Variants in KNDC1 observed in about 807,000 individuals in gnomAD.
The protein encoded by KNDC1 is kinase non-catalytic C-lobe domain-containing protein 1.
A neutral mutation model predicts 172.8 loss-of-function variants in KNDC1; 106 were observed. That is an observed-to-expected ratio of 0.61 (90% CI 0.52 to 0.72). KNDC1 has a LOEUF of 0.72. KNDC1 is among the 30% of genes least tolerant of loss of function. The probability of loss-of-function intolerance (pLI) is 0.00; values close to 1 mark genes in which losing one functional copy is unlikely to be tolerated. For synonymous variants in KNDC1, 1,083 were observed against 1,062.2 expected, an observed-to-expected ratio of 1.02 and a Z score of -0.38; for missense variants, 2,325 against 2,394.5, an observed-to-expected ratio of 0.97 and a Z score of 0.61.
In KNDC1 at chr10:133,167,598, T is replaced by TGGCGGCGGCGGC. The variant is rs754313442; in HGVS notation, c.301+22_301+33dup. 1 of 1,555,422 alleles carries TGGCGGCGGCGGC rather than the reference T, an allele frequency of 6.4e-7. No individual in the cohort carries two copies. Among genetic ancestry groups the TGGCGGCGGCGGC allele is most frequent in the African/African-American group, 1.4e-5 (1 of 72,798 alleles). On this transcript the variant is annotated intron_variant, in intron 2 of 29. Coordinates refer to ENST00000304613, the MANE Select transcript of KNDC1 (RefSeq NM_152643.8). Reference sequence around the variant, plus strand: ...CTCAGCGGTGAGGCGGCGGTGGCGGTGGCGGCGGCGGCGGGCACGCGGGGT... The same window carrying TGGCGGCGGCGGC: ...CTCAGCGGTGAGGCGGCGGTGGCGGTGGCGGCGGCGGCGGCGGCGGCGGCGGGCACGCGGGGT...
intron 3 of KNDC1, chr10:133,174,181 T>C (rs990426758): frequency 6.6e-6 from 1 of 152,282 alleles, no homozygotes; most frequent in African/African-American, 2.4e-5. Context: ...GATCCAATAA[T>C]GCTGGGACAT....
chr10:133,219,888 C>A, intron 28 of KNDC1, 67 bp from the exon 29 acceptor site: 1 of 1,464,222 alleles, frequency 6.8e-7, no homozygotes, highest in Non-Finnish European at 9.1e-7. Flanking sequence ...TGCGCTGGCC[C>A]CGGCTGAGGC....
rs778034895 is a variant in KNDC1 at position 133,198,372 on chromosome 10, G to A, written c.1942G>A (p.Ala648Thr). 2 of 1,596,098 alleles carry A rather than the reference G, an allele frequency of 1.3e-6. No individual in the cohort carries two copies. Among genetic ancestry groups the A allele is most frequent in the South Asian group, 2.3e-5 (2 of 88,684 alleles). ...GGTGAACAGCGACACCGGGCTTGTG[G>A]CTGTGCCAGGGCCCGTGCCCGGCCA... ...LPVNSDTGLVAVPGPVPGQHP... is the reference protein window; with the variant it reads ...LPVNSDTGLVTVPGPVPGQHP... Residue 648 changes from alanine to threonine, a missense_variant, in exon 13 of 30, where the codon GCT becomes ACT. Physicochemically the swap from Ala to Thr is moderately conservative, Grantham distance 58. Transcript: ENST00000304613.
At chr10:133,167,046 C>T (rs904151534) in intron 1 of KNDC1, 7 of 394,442 alleles carry the variant, frequency 1.8e-5, no homozygotes, top group African/African-American at 4.0e-5. Context: ...CCAGTCCAGC[C>T]GTGAGCCTGC....
chr10:133,193,666 A>G (rs896391601), intron 9 of KNDC1, among the ~76,000 whole-genome samples: 2 of 152,258 alleles, frequency 1.3e-5, no homozygotes, highest in Admixed American at 1.3e-4. Context: ...CTAACCATGT[A>G]CTGTCTACCA....
intron 3 of KNDC1, among the ~76,000 whole-genome samples, chr10:133,177,359 ATGTC>A (rs1194278182): frequency 1.3e-4 from 19 of 152,000 alleles, no homozygotes; most frequent in African/African-American, 3.4e-4. Context: ...ATGGCATGCT[ATGTC>A]TGTGGGTTGT....
At chr10:133,166,799 C>T (rs1009891678) in intron 1 of KNDC1, among the ~76,000 whole-genome samples, 3 of 151,894 alleles carry the variant, frequency 2.0e-5, no homozygotes, top group Non-Finnish European at 4.4e-5. Context: ...GCTGAGCCCT[C>T]GCGGAGTCCA....
intron 17 of KNDC1, among the ~76,000 whole-genome samples, chr10:133,204,735 G>A (rs977301691): frequency 2.0e-5 from 3 of 152,212 alleles, no homozygotes; most frequent in African/African-American, 2.4e-5. Context: ...CTGACAAGGC[G>A]AGGGGGTGGC....
intron 7 of KNDC1, 82 bp from the exon 8 acceptor site, chr10:133,189,516 G>C: frequency 7.3e-7 from 1 of 1,361,130 alleles, no homozygotes; most frequent in Non-Finnish European, 1.0e-6. Flanking sequence ...CGGCCTGACT[G>C]AGGCTCCGCA....
In KNDC1 at chr10:133,198,382, G is replaced by T; in HGVS notation, c.1952G>T (p.Gly651Val). 6.3e-7 allele frequency: 1 copy of T among 1,597,550 alleles called. No individual in the cohort carries two copies. Residue 651 changes from glycine to valine, a missense_variant, in exon 13 of 30, where the codon GGG (glycine) becomes GTG (valine). Physicochemically the swap from Gly to Val is moderately radical, Grantham distance 109. Transcript: ENST00000304613. ...GACACCGGGCTTGTGGCTGTGCCAG[G>T]GCCCGTGCCCGGCCAGCACCCCTGC... Reference protein sequence around the residue: ...NSDTGLVAVPGPVPGQHPCGE... With the variant: ...NSDTGLVAVPVPVPGQHPCGE...
chr10:133,181,338 G>C (rs1049216712), intron 3 of KNDC1, among the ~76,000 whole-genome samples: 2 of 152,360 alleles, frequency 1.3e-5, no homozygotes, highest in African/African-American at 4.8e-5. Flanking sequence ...ACGAGAGGCT[G>C]GCAGGTCCCC....
intron 20 of KNDC1, among the ~76,000 whole-genome samples, chr10:133,208,601 T>C (rs1414762329): frequency 6.6e-6 from 1 of 151,746 alleles, no homozygotes; most frequent in Admixed American, 6.6e-5. Flanking sequence ...GACCCCGTTC[T>C]CCCAAGGTGA....
In KNDC1 at chr10:133,209,394, A is replaced by G. The variant is rs1286384115; in HGVS notation, c.3795-1217A>G. ...GTGAGGTATAGTGTGGCATGTGTGC[A>G]CATGTGTGATCTGTGGTGTGTGGCG... On this transcript the variant is annotated intron_variant, in intron 20 of 29. Transcript: ENST00000304613. The surrounding 1 kb of genome is among the most constrained non-coding windows in gnomAD (Gnocchi z 4.9). Among the ~76,000 whole-genome samples, 1 of 146,672 alleles carries G rather than the reference A, an allele frequency of 6.8e-6. No homozygotes were observed. The highest frequency in any genetic ancestry group is 2.5e-5 in the African/African-American group (1 of 39,224).
At chr10:133,200,208 G>T (rs1020917144) in intron 15 of KNDC1, among the ~76,000 whole-genome samples, 167 bp from the exon 16 acceptor site, 2 of 152,284 alleles carry the variant, frequency 1.3e-5, no homozygotes, top group African/African-American at 4.8e-5. Flanking sequence ...GAATGACCCA[G>T]GGATCCCGTC....
chr10:133,160,545 G>T lies in KNDC1; in HGVS notation c.78G>T (p.Pro26=), dbSNP rs777070456. The T allele has an allele frequency of 6.3e-7, 1 of 1,583,134 alleles. No homozygotes were observed. ...GKDLDFYDFE[P]LPTLPEDEEN... ...ACCTGGACTTCTACGACTTCGAGCC[G>T]CTGCCCACCCTCCCCGAGGACGAGG... Residue 26 remains proline, a synonymous_variant, in exon 1 of 30, where the codon CCG becomes CCT. Transcript: ENST00000304613.
At chr10:133,179,345 G>C (rs561240139) in intron 3 of KNDC1, 1 of 152,184 alleles carries the variant, frequency 6.6e-6, no homozygotes, top group Admixed American at 6.5e-5. Flanking sequence ...CCTGAGGCCC[G>C]GGCTGTGGTG....
At position 133,198,683 on chromosome 10, in the gene KNDC1, C is replaced by T; in HGVS notation, c.2175C>T (p.Ser725=). Residue 725 remains serine (S), a synonymous_variant, in exon 14 of 30, where the codon AGC becomes AGT. Transcript: ENST00000304613. The part of the protein sequence containing the change: ...LSLEAHAGSP[S]LKTPDGPVPG... ...TGGAGGCCCACGCTGGGTCCCCCAG[C>T]CTGAAGACGCCTGACGGGCCGGTGC... is the stretch of plus-strand genomic sequence containing the variant. The T allele has an allele frequency of 7.6e-6, 12 of 1,584,150 alleles. No individual in the cohort carries two copies. Among genetic ancestry groups the T allele is most frequent in the Non-Finnish European group, 1.0e-5 (12 of 1,166,156 alleles).
chr10:133,182,350 A>G (rs942104603), intron 3 of KNDC1, among the ~76,000 whole-genome samples: 11 of 152,068 alleles, frequency 7.2e-5, no homozygotes, highest in Admixed American at 2.0e-4. Flanking sequence ...ATGTCCACTC[A>G]GCCAGCCCAG....
intron 1 of KNDC1, among the ~76,000 whole-genome samples, chr10:133,162,393 A>G (rs1591210820): frequency 6.6e-6 from 1 of 152,206 alleles, no homozygotes; most frequent in East Asian, 1.9e-4. Flanking sequence ...CCAAGGGTGC[A>G]GGGCAGCTGC....
Sources: gnomAD v4.1 joint callset for allele counts (sites outside exome capture counted in the v4.1 genomes callset) on GRCh38, gnomAD v4.1.1 for gene constraint, Gnocchi (gnomAD v3.1) non-coding constraint, MANE v1.5 for transcripts, NCBI Gene and HGNC (gene_info 2026-07-23, HGNC 2026-07-21) for gene names.